The following ZNF740 variants were observed in gnomAD, a reference collection of about 807,000 sequenced individuals.
The protein encoded by ZNF740 is oriLyt TD-element-binding protein 7.
ZNF740 carries 14 observed loss-of-function variants against 24.8 expected under a neutral mutation model. That is an observed-to-expected ratio of 0.56 (90% CI 0.37 to 0.88). The LOEUF (loss-of-function observed/expected upper bound fraction) is 0.88, where lower values mean the gene tolerates loss of function less well. ZNF740 is among the 40% of genes least tolerant of loss of function. The pLI is 0.00. For missense variants in ZNF740, 201 were observed against 247.9 expected (o/e 0.81, Z 1.27); for synonymous variants, 69 against 84.0 (o/e 0.82, Z 0.98).
At chr12:53,186,346 C>T in intron 5 of ZNF740, 45 bp from the exon 6 acceptor site, 5 of 1,497,530 alleles carry the variant, frequency 3.3e-6, no homozygotes, top group Non-Finnish European at 4.6e-6. Flanking sequence ...GAGGTCCCTA[C>T]TGTACATACC....
In ZNF740 at chr12:53,185,390, C is replaced by A; in HGVS notation, c.163C>A (p.His55Asn). ...TAGATTTGATTTGTCTTCAAAGGGT[C>A]ACCGAAAAGACAGTGATAAGTCCCG... ...PDVLRCSSQG[H>N]RKDSDKSRSR... Residue 55 changes from histidine (H) to asparagine (N), a missense_variant, in exon 4 of 7, where the codon CAC (histidine) becomes AAC (asparagine). Transcript: ENST00000416904. 6.2e-7 allele frequency: 1 copy of A among 1,613,892 alleles called. No homozygotes were observed. Among genetic ancestry groups the A allele is most frequent in the South Asian group, 1.1e-5 (1 of 91,052 alleles).
At chr12:53,180,886 G>A (rs1299937514) in intron 1 of ZNF740, 49 bp downstream of exon 1, 1 of 1,170,668 alleles carries the variant, frequency 8.5e-7, no homozygotes, top group Non-Finnish European at 1.1e-6. Context: ...AGACGGCAGC[G>A]CTTCAGTAGC....
intron 2 of ZNF740, among the ~76,000 whole-genome samples, chr12:53,184,200 T>G (rs1416081585): frequency 7.0e-6 from 1 of 142,360 alleles, no homozygotes; most frequent in Non-Finnish European, 1.5e-5. Flanking sequence ...TGTGTGTGTG[T>G]GAGTGACGGA....
Position 53,189,628 on chromosome 12 carries a change from A to G in ZNF740, c.*2038A>G, listed in dbSNP as rs981711641. The G allele has an allele frequency of 6.6e-6, 1 of 152,102 alleles. No individual in the cohort carries two copies. Among genetic ancestry groups the G allele is most frequent in the African/African-American group, 2.4e-5 (1 of 41,400 alleles). 9.4% of individuals were successfully genotyped at this position (152,102 alleles called of 1,614,324 possible). On this transcript the variant is annotated 3_prime_UTR_variant, in exon 7 of 7. Coordinates refer to ENST00000416904, the MANE Select transcript of ZNF740 (RefSeq NM_001004304.4). The stretch of plus-strand genomic sequence containing the variant: ...CTTACAGCTCTATGCTGACACTCCC[A>G]TTTGATGTGGTCCAGAACTTAGACC...
At chr12:53,181,122 G>C in intron 1 of ZNF740, 1 of 964,390 alleles carries the variant, frequency 1.0e-6, no homozygotes, top group Non-Finnish European at 1.2e-6. Flanking sequence ...TCTGCTCCCG[G>C]TTGGTGCAGC....
In ZNF740 at chr12:53,188,903, TGAGA is replaced by T. The variant is rs537724498; in HGVS notation, c.*1319_*1322del. ...AAGTAATCGGGTGTGTGTGTGTGTGTGAGAGAGAGTGTGTGTGAGATATGAATGC... is the reference window on the plus strand; with the variant it reads ...AAGTAATCGGGTGTGTGTGTGTGTGTGAGAGTGTGTGTGAGATATGAATGC... On this transcript the variant is annotated 3_prime_UTR_variant, in exon 7 of 7. Transcript: ENST00000416904. 3.9e-5 allele frequency: 6 copies of T among 152,120 alleles called. No homozygotes were observed. The highest frequency in any genetic ancestry group is 4.2e-4 in the South Asian group (2 of 4,812). The allele number at this position is 152,120 out of a possible 1,614,324, so 9.4% of individuals were successfully genotyped here. A position where few individuals can be genotyped will look rare whatever the true frequency, so the allele number is the denominator to read the frequency against.
intron 2 of ZNF740, among the ~76,000 whole-genome samples, chr12:53,184,061 T>C (rs1279740795): frequency 1.3e-5 from 2 of 148,484 alleles, no homozygotes; most frequent in Non-Finnish European, 3.0e-5. Context: ...CGATAGAAAA[T>C]ACAGTTGGCA....
rs1308123368 is a variant in ZNF740 at position 53,192,690 on chromosome 12, C to T, written c.*5100C>T. The T allele has an allele frequency of 1.2e-6, 2 of 1,612,484 alleles. No individual in the cohort carries two copies. The highest frequency in any genetic ancestry group is 2.2e-5 in the East Asian group (1 of 44,840). The stretch of plus-strand genomic sequence containing the variant: ...CCAAGATGCAAGACCTGAGGCCTCA[C>T]CGGTGTCTCTCGCATGGTGTCTTGC... On this transcript the variant is annotated 3_prime_UTR_variant, in exon 7 of 7. Coordinates refer to ENST00000416904, the MANE Select transcript of ZNF740 (RefSeq NM_001004304.4).
chr12:53,194,176 G>A lies in ZNF740; in HGVS notation c.*6586G>A. ...TCCCACCTCCCCCTGCCCGCCTTCT[G>A]CCTGTGCTTGCTGGCTCTCACCGTC... On this transcript the variant is annotated 3_prime_UTR_variant, in exon 7 of 7. Coordinates refer to ENST00000416904, the MANE Select transcript of ZNF740 (RefSeq NM_001004304.4). 6.2e-7 allele frequency: 1 copy of A among 1,613,730 alleles called. No individual in the cohort carries two copies. The highest frequency in any genetic ancestry group is 8.5e-7 in the Non-Finnish European group (1 of 1,179,808).
intron 4 of ZNF740, 48 bp from the exon 5 acceptor site, chr12:53,185,905 AG>A: frequency 1.2e-6 from 2 of 1,603,864 alleles, no homozygotes; most frequent in Non-Finnish European, 8.5e-7. Flanking sequence ...CAGTGTCTCC[AG>A]GAAGAGGGCA....
intron 1 of ZNF740, 171 bp downstream of exon 1, chr12:53,181,008 G>T: frequency 2.4e-6 from 2 of 850,816 alleles, no homozygotes; most frequent in Non-Finnish European, 1.5e-6. Flanking sequence ...CGCGCACACC[G>T]CCCCCTGCCC....
chr12:53,181,777 A>G lies in ZNF740; in HGVS notation c.-207A>G, dbSNP rs1941653692. 4 of 639,540 alleles carry G rather than the reference A, an allele frequency of 6.3e-6. No homozygotes were observed. The South Asian group carries it at 8.8e-5, about 14-fold the overall frequency. 39.6% of individuals were successfully genotyped at this position (639,540 alleles called of 1,614,324 possible). ...CAGACAATAGGCAGGAGCCAGGCAG[A>G]GTCCAGGGATTCTTGGAACACCTAT... is the stretch of plus-strand genomic sequence containing the variant. On this transcript the variant is annotated 5_prime_UTR_variant, in exon 2 of 7. Transcript: ENST00000416904.
chr12:53,192,941 C>T lies in ZNF740; in HGVS notation c.*5351C>T, dbSNP rs1210295984. 6 of 1,598,440 alleles carry T rather than the reference C, an allele frequency of 3.8e-6. No individual in the cohort carries two copies. Among genetic ancestry groups the T allele is most frequent in the African/African-American group, 2.7e-5 (2 of 74,722 alleles). On this transcript the variant is annotated 3_prime_UTR_variant, in exon 7 of 7. Transcript: ENST00000416904. The stretch of plus-strand genomic sequence containing the variant: ...GTAGAGCCATGCAGAGGGTGACAAC[C>T]ATACTCCACACACACAGTTGGCCAT...
In ZNF740 at chr12:53,180,834, G is replaced by T. The variant is rs554457464; in HGVS notation, c.-311G>T. 2.6e-4 allele frequency: 336 copies of T among 1,271,262 alleles called. No individual in the cohort carries two copies. The African/African-American group carries it at 4.8e-3, about 18-fold the overall frequency. 78.7% of individuals were successfully genotyped at this position (1,271,262 alleles called of 1,614,324 possible). A position where few individuals can be genotyped will look rare whatever the true frequency, so the allele number is the denominator to read the frequency against. ...GGGAGCCAGCGGGAGGCCGCGCCTGGCAGGTAGGAGCAAGCCCCAAAGACC... is the reference window on the plus strand; with the variant it reads ...GGGAGCCAGCGGGAGGCCGCGCCTGTCAGGTAGGAGCAAGCCCCAAAGACC... On this transcript the variant is annotated 5_prime_UTR_variant, in exon 1 of 7. Transcript: ENST00000416904.
chr12:53,183,879 C>T (rs1178676838), intron 2 of ZNF740, among the ~76,000 whole-genome samples: 1 of 151,886 alleles, frequency 6.6e-6, no homozygotes, highest in African/African-American at 2.4e-5. Context: ...AAAAAAATAG[C>T]CGGGTGTGGT....
chr12:53,182,888 A>G (rs1941716473), intron 2 of ZNF740, among the ~76,000 whole-genome samples: 1 of 152,170 alleles, frequency 6.6e-6, no homozygotes, highest in Non-Finnish European at 1.5e-5. Context: ...GAAGGTCATT[A>G]TTGTGGAGGT....
intron 2 of ZNF740, chr12:53,182,317 T>G (rs1592382881): frequency 3.9e-6 from 1 of 257,978 alleles, no homozygotes; most frequent in African/African-American, 2.2e-5. Context: ...CTTCTTTTGT[T>G]TTTTTCCAAC....
At chr12:53,186,360 C>T (rs1941820772) in intron 5 of ZNF740, 31 bp from the exon 6 acceptor site, 3 of 1,536,624 alleles carry the variant, frequency 2.0e-6, no homozygotes, top group Non-Finnish European at 2.7e-6. Flanking sequence ...ACATACCTCC[C>T]CACATTCACT....
chr12:53,182,005 A>C lies in ZNF740; in HGVS notation c.9+13A>C. 1 of 1,607,260 alleles carries C rather than the reference A, an allele frequency of 6.2e-7. No homozygotes were observed. The highest frequency in any genetic ancestry group is 8.5e-7 in the Non-Finnish European group (1 of 1,176,702). On this transcript the variant is annotated intron_variant, in intron 2 of 6. Coordinates refer to ENST00000416904, the MANE Select transcript of ZNF740 (RefSeq NM_001004304.4). ...CAGCATGGCTCAGGTAAAAAGCTCT[A>C]GAGTCCTCCTCCAAGATAACTGGGA...
Sources: gnomAD v4.1 joint callset for allele counts (sites outside exome capture counted in the v4.1 genomes callset) on GRCh38, gnomAD v4.1.1 for gene constraint, MANE v1.5 for transcripts, NCBI Gene and HGNC (gene_info 2026-07-23, HGNC 2026-07-21) for gene names.